GPBP1: variants seen among roughly 807,000 people sequenced by gnomAD.
The protein encoded by GPBP1 is GC-rich promoter binding protein 1.
A neutral mutation model predicts 56.5 loss-of-function variants in GPBP1; 13 were observed. That is an observed-to-expected ratio of 0.23 (90% confidence interval 0.15 to 0.37). GPBP1 has a LOEUF of 0.37. GPBP1 is among the 10% of genes least tolerant of loss of function. The probability of loss-of-function intolerance (pLI) is 1.00; values close to 1 mark genes in which losing one functional copy is unlikely to be tolerated. For missense variants in GPBP1, 477 were observed against 572.3 expected (o/e 0.83, Z 1.70); for synonymous variants, 204 against 188.9 (o/e 1.08, Z -0.66).
chr5:57,246,537 T>G, intron 7 of GPBP1, 53 bp downstream of exon 7: 2 of 1,415,876 alleles, frequency 1.4e-6, no homozygotes, highest in African/African-American at 2.9e-5. Context: ...CCAATTTATG[T>G]CCTATGGGGG....
At position 57,224,057 on chromosome 5, in the gene GPBP1, T is replaced by A. The variant is rs536114818; in HGVS notation, c.64-6789T>A. 2.0e-5 allele frequency among the ~76,000 whole-genome samples: 3 copies of A among 151,098 alleles called. No individual in the cohort carries two copies. In the South Asian group the frequency reaches 6.3e-4, roughly 32 times the overall value. Reference sequence around the variant, plus strand: ...ACCATGTTAGCCAGGATGGTCTCGATCTCCTGACCTCATGATCCGCCCGCC... The same window carrying A: ...ACCATGTTAGCCAGGATGGTCTCGAACTCCTGACCTCATGATCCGCCCGCC... On this transcript the variant is annotated intron_variant, in intron 3 of 11. Coordinates refer to ENST00000506184, the MANE Select transcript of GPBP1 (RefSeq NM_022913.4).
intron 6 of GPBP1, 96 bp from the exon 7 acceptor site, chr5:57,246,197 TAAAAAAA>T: frequency 1.5e-6 from 1 of 686,592 alleles, no homozygotes; most frequent in Non-Finnish European, 2.3e-6. Flanking sequence ...AGCTGTTAGT[TAAAAAAA>T]AAAAAAAATT....
intron 2 of GPBP1, among the ~76,000 whole-genome samples, chr5:57,195,429 G>A (rs890231736): frequency 1.3e-5 from 2 of 152,074 alleles, no homozygotes; most frequent in Admixed American, 6.6e-5. Flanking sequence ...AGTGTACCAC[G>A]TCTGGCCTAG....
chr5:57,248,424 T>A (rs1267424298), intron 8 of GPBP1, among the ~76,000 whole-genome samples: 11 of 76,296 alleles, frequency 1.4e-4, no homozygotes. Context: ...ATACTATTTT[T>A]TTTTTTTTTT....
intron 2 of GPBP1, among the ~76,000 whole-genome samples, chr5:57,194,218 G>A (rs937317607): frequency 2.0e-5 from 3 of 152,052 alleles, no homozygotes; most frequent in Non-Finnish European, 4.4e-5. Context: ...TATGAGTAGC[G>A]CTAGTGAATA....
At chr5:57,230,456 A>G (rs1756401254) in intron 3 of GPBP1, among the ~76,000 whole-genome samples, 1 of 152,208 alleles carries the variant, frequency 6.6e-6, no homozygotes, top group African/African-American at 2.4e-5. Context: ...TTAGAACTGA[A>G]GATTCATTTG....
chr5:57,219,240 G>T (rs1254564931), intron 3 of GPBP1, among the ~76,000 whole-genome samples: 1 of 151,178 alleles, frequency 6.6e-6, no homozygotes, highest in Non-Finnish European at 1.5e-5. Context: ...GCCGGGTATG[G>T]TGGCACATGC....
At chr5:57,235,265 C>G (rs1756613719) in intron 5 of GPBP1, among the ~76,000 whole-genome samples, 2 of 152,042 alleles carry the variant, frequency 1.3e-5, no homozygotes, top group African/African-American at 4.8e-5. Flanking sequence ...TGAGATCGTA[C>G]CACTTCACTC....
At chr5:57,231,534 A>G (rs757582077) in intron 5 of GPBP1, among the ~76,000 whole-genome samples, 7 of 152,104 alleles carry the variant, frequency 4.6e-5, no homozygotes, top group South Asian at 2.1e-4. Flanking sequence ...CAGCCTCCCA[A>G]AGTGCTGGGA....
At chr5:57,186,997 CAG>C (rs969668250) in intron 2 of GPBP1, among the ~76,000 whole-genome samples, 2 of 139,764 alleles carry the variant, frequency 1.4e-5, no homozygotes, top group African/African-American at 2.7e-5. Flanking sequence ...TTTCTGGACT[CAG>C]AGAAGTGTGT....
intron 5 of GPBP1, among the ~76,000 whole-genome samples, chr5:57,233,534 A>G (rs944099739): frequency 2.0e-5 from 3 of 152,188 alleles, no homozygotes; most frequent in Admixed American, 6.5e-5. Context: ...TGATTATAAT[A>G]TAAACAGTTA....
chr5:57,184,557 GGTTGGTGCTAA>G (rs1561321592), intron 2 of GPBP1, among the ~76,000 whole-genome samples: 2 of 152,108 alleles, frequency 1.3e-5, no homozygotes, highest in Non-Finnish European at 2.9e-5. Flanking sequence ...ATCACCAAGG[GGTTGGTGCTAA>G]GCCCTTCAGG....
At chr5:57,239,419 T>C (rs1379289300) in intron 6 of GPBP1, among the ~76,000 whole-genome samples, 2 of 152,188 alleles carry the variant, frequency 1.3e-5, no homozygotes, top group Non-Finnish European at 2.9e-5. Context: ...ATTATAACAG[T>C]TAGTGAAACT....
At chr5:57,208,122 A>G (rs6889202) in intron 2 of GPBP1, among the ~76,000 whole-genome samples, 1 of 152,114 alleles carries the variant, frequency 6.6e-6, no homozygotes, top group African/African-American at 2.4e-5. Flanking sequence ...GCGAGGGACC[A>G]TGCCCTTCCC....
At chr5:57,230,794 TAA>T (rs2111852687) in intron 3 of GPBP1, 50 bp from the exon 4 acceptor site, 11 of 1,495,466 alleles carry the variant, frequency 7.4e-6, no homozygotes, top group Non-Finnish European at 1.0e-5. Context: ...TACTAGTTTT[TAA>T]AGTTATATTT....
chr5:57,194,565 T>G (rs556720795), intron 2 of GPBP1, among the ~76,000 whole-genome samples: 26 of 152,290 alleles, frequency 1.7e-4, no homozygotes, highest in South Asian at 1.2e-3. Context: ...TTGAAATATA[T>G]AATTATTGTT....
rs1328793359 is a variant in GPBP1, at chr5:57,230,626, G to A, written c.64-220G>A. The A allele has an allele frequency of 8.0e-6, 4 of 501,982 alleles. No homozygotes were observed. In the Admixed American group the frequency reaches 1.1e-4, roughly 14 times the overall value. The allele number at this position is 501,982 out of a possible 1,614,324, so 31.1% of individuals were successfully genotyped here. On this transcript the variant is annotated intron_variant, in intron 3 of 11. Coordinates refer to ENST00000506184, the MANE Select transcript of GPBP1 (RefSeq NM_022913.4). The stretch of plus-strand genomic sequence containing the variant: ...TATATTTTTTGGAAAAAAAGATGTC[G>A]AACTCTAAGCACATGTGCTTGTTTC...
At chr5:57,236,183 C>T (rs1262117723) in intron 6 of GPBP1, 151 bp downstream of exon 6, 2 of 589,942 alleles carry the variant, frequency 3.4e-6, no homozygotes, top group African/African-American at 3.8e-5. Context: ...AAAAAGGTAA[C>T]ATTCGTCTTT....
intron 3 of GPBP1, among the ~76,000 whole-genome samples, chr5:57,227,954 T>C (rs1756269248): frequency 6.6e-6 from 1 of 152,020 alleles, no homozygotes; most frequent in Non-Finnish European, 1.5e-5. Flanking sequence ...ACTGTCCGTA[T>C]AAAAAAATCC....
Sources: gnomAD v4.1 joint callset for allele counts (sites outside exome capture counted in the v4.1 genomes callset) on GRCh38, gnomAD v4.1.1 for gene constraint, MANE v1.5 for transcripts, NCBI Gene and HGNC (gene_info 2026-07-23, HGNC 2026-07-21) for gene names.